Variants in PRR16 observed in about 807,000 individuals in gnomAD.
The protein encoded by PRR16 is protein Largen.
A neutral mutation model predicts 18.2 loss-of-function variants in PRR16; 6 were observed. That is an observed-to-expected ratio of 0.33 (90% CI 0.18 to 0.65). The LOEUF (loss-of-function observed/expected upper bound fraction) is 0.65. Among genes scored for constraint, PRR16 ranks in the 30% least tolerant of loss-of-function variants. PRR16 has a pLI of 0.74. For synonymous variants in PRR16, 151 were observed against 147.8 expected, an observed-to-expected ratio of 1.02 and a Z score of -0.16; for missense variants, 412 against 376.6, an observed-to-expected ratio of 1.09 and a Z score of -0.78.
At chr5:120,466,719 G>C (rs974032933) in intron 1 of PRR16, among the ~76,000 whole-genome samples, 5 of 152,092 alleles carry the variant, frequency 3.3e-5, no homozygotes, top group African/African-American at 1.2e-4. Context: ...TTGTTTATAA[G>C]AGGAATAAAA....
chr5:120,727,393 T>G, the PRR16 span, among the ~76,000 whole-genome samples: 1 of 152,078 alleles, frequency 6.6e-6, no homozygotes, highest in East Asian at 1.9e-4. Flanking sequence ...CTGCCTAATC[T>G]GTATGTTCAC....
intron 1 of PRR16, among the ~76,000 whole-genome samples, chr5:120,536,794 A>C (rs1321106740): frequency 6.6e-6 from 1 of 152,226 alleles, no homozygotes; most frequent in East Asian, 1.9e-4. Context: ...TTAGCACTGT[A>C]ATGTGATTGA....
chr5:120,680,834 A>G (rs1255649691), intron 1 of PRR16, among the ~76,000 whole-genome samples: 2 of 152,218 alleles, frequency 1.3e-5, no homozygotes, highest in Non-Finnish European at 2.9e-5. Flanking sequence ...ATTTGTGTTC[A>G]CTTCACGTGA....
chr5:120,586,739 CTGTTCCCT>C (rs1753457857), intron 1 of PRR16, among the ~76,000 whole-genome samples: 1 of 152,144 alleles, frequency 6.6e-6, no homozygotes, highest in South Asian at 2.1e-4. Context: ...TTGGTCCTCT[CTGTTCCCT>C]AAGACACAAT....
chr5:120,559,768 G>C (rs1752520703), intron 1 of PRR16, among the ~76,000 whole-genome samples: 1 of 151,792 alleles, frequency 6.6e-6, no homozygotes, highest in Non-Finnish European at 1.5e-5. Flanking sequence ...TAACATTGTT[G>C]ATTCTTCCAA....
rs897478843 is a variant in PRR16, at chr5:120,658,810, G to T, written c.160-27144G>T. On this transcript the variant is annotated intron_variant, in intron 1 of 1. Transcript: ENST00000407149. ...ATTTAAAAATTAACACTTTTTAAAG[G>T]TGAAATCCAGAAATATAGTCTGAAA... Among the ~76,000 whole-genome samples the T allele has an allele frequency of 5.9e-5, 9 of 151,966 alleles. No individual in the cohort carries two copies. In the South Asian group the frequency reaches 1.9e-3, roughly 32 times the overall value.
intron 1 of PRR16, among the ~76,000 whole-genome samples, chr5:120,632,118 A>G (rs60513901): frequency 0.12 from 18,133 of 152,136 alleles, 2,905 homozygotes; most frequent in African/African-American, 0.37. Context: ...CTGGATGGCT[A>G]GGCCCAGAAG....
At chr5:120,539,555 T>C (rs1751838900) in intron 1 of PRR16, among the ~76,000 whole-genome samples, 1 of 152,046 alleles carries the variant, frequency 6.6e-6, no homozygotes, top group Admixed American at 6.6e-5. Context: ...AAACAACCTA[T>C]CGGGTATTAT....
intron 1 of PRR16, among the ~76,000 whole-genome samples, chr5:120,560,617 T>G (rs1752545671): frequency 6.6e-6 from 1 of 152,134 alleles, no homozygotes; most frequent in Admixed American, 6.6e-5. Context: ...TGTCTTTTTC[T>G]GGTTTTGGTA....
At chr5:120,757,434 CTTCCA>C in the PRR16 span, among the ~76,000 whole-genome samples, 1 of 151,956 alleles carries the variant, frequency 6.6e-6, no homozygotes, top group South Asian at 2.1e-4. Flanking sequence ...GATAGTGATT[CTTCCA>C]TTCCATGAGT....
At chr5:120,516,623 T>C (rs1751004955) in intron 1 of PRR16, among the ~76,000 whole-genome samples, 2 of 152,096 alleles carry the variant, frequency 1.3e-5, no homozygotes, top group Admixed American at 6.5e-5. Flanking sequence ...ATGGCGTGCA[T>C]GGACGCTTTT....
At chr5:120,666,729 G>T (rs1354904331) in intron 1 of PRR16, among the ~76,000 whole-genome samples, 1 of 146,754 alleles carries the variant, frequency 6.8e-6, no homozygotes, top group Non-Finnish European at 1.5e-5. Flanking sequence ...TGTGGTTTTT[G>T]TCTTTGGTTC....
At chr5:120,707,056 G>C in the PRR16 span, among the ~76,000 whole-genome samples, 1 of 152,130 alleles carries the variant, frequency 6.6e-6, no homozygotes, top group Non-Finnish European at 1.5e-5. Flanking sequence ...GAAAGAGGCT[G>C]GGAGAAAATT....
chr5:120,645,719 C>A (rs1223721874), intron 1 of PRR16, among the ~76,000 whole-genome samples: 1 of 151,976 alleles, frequency 6.6e-6, no homozygotes, highest in African/African-American at 2.4e-5. Context: ...ATTATTTTCT[C>A]AAGAGCCAAG....
chr5:120,533,326 G>T (rs1156245688), intron 1 of PRR16, among the ~76,000 whole-genome samples: 1 of 152,162 alleles, frequency 6.6e-6, no homozygotes, highest in African/African-American at 2.4e-5. Flanking sequence ...AGTAAATTAA[G>T]CAGACAACGA....
chr5:120,510,630 A>G (rs1750796972), intron 1 of PRR16, among the ~76,000 whole-genome samples: 1 of 152,220 alleles, frequency 6.6e-6, no homozygotes, highest in South Asian at 2.1e-4. Context: ...TGAAGGAAAT[A>G]GAATGCACTG....
chr5:120,604,853 A>G (rs920638616), intron 1 of PRR16, among the ~76,000 whole-genome samples: 3 of 152,212 alleles, frequency 2.0e-5, no homozygotes, highest in Non-Finnish European at 4.4e-5. Context: ...GATGCTGAAT[A>G]TAGGCTCCCA....
At chr5:120,575,472 A>T (rs181589610) in intron 1 of PRR16, among the ~76,000 whole-genome samples, 122 of 152,262 alleles carry the variant, frequency 8.0e-4, no homozygotes, top group African/African-American at 2.8e-3. Context: ...GACCAAGGGG[A>T]TTAATCCCAA....
intron 1 of PRR16, among the ~76,000 whole-genome samples, chr5:120,626,320 C>T (rs1561580557): frequency 6.6e-6 from 1 of 151,836 alleles, no homozygotes; most frequent in Non-Finnish European, 1.5e-5. Context: ...CATGGATGAA[C>T]CACAAAAAAA....
Sources: gnomAD v4.1 joint callset for allele counts (sites outside exome capture counted in the v4.1 genomes callset) on GRCh38, gnomAD v4.1.1 for gene constraint, MANE v1.5 for transcripts, NCBI Gene and HGNC (gene_info 2026-07-23, HGNC 2026-07-21) for gene names.